The following TMEM181 variants were observed in gnomAD, a reference collection of about 807,000 sequenced individuals.
The protein encoded by TMEM181 is transmembrane protein 181, also known as G protein-coupled receptor 178.
A neutral mutation model predicts 71.9 loss-of-function variants in TMEM181; 39 were observed. The ratio of observed to expected loss-of-function variants is 0.54; its 90% CI spans 0.42 to 0.71. TMEM181 has a LOEUF of 0.71. TMEM181 is among the 30% of genes least tolerant of loss of function. The pLI, the probability that TMEM181 is intolerant of heterozygous loss-of-function variation, is 0.00. For missense variants in TMEM181, 595 were observed against 583.0 expected (o/e 1.02, Z -0.21); for synonymous variants, 245 against 228.8 (o/e 1.07, Z -0.64).
At chr6:158,626,147 TCCATTGCTG>T (rs1254151902) in intron 13 of TMEM181, among the ~76,000 whole-genome samples, 1 of 152,166 alleles carries the variant, frequency 6.6e-6, no homozygotes, top group Non-Finnish European at 1.5e-5. Flanking sequence ...AGCAGCATGC[TCCATTGCTG>T]CCATTGGGGG....
Position 158,573,440 on chromosome 6 carries a change from A to G in TMEM181, c.29A>G (p.Tyr10Cys). 6.3e-7 allele frequency: 1 copy of G among 1,592,278 alleles called. No homozygotes were observed. Among genetic ancestry groups the G allele is most frequent in the Non-Finnish European group, 8.5e-7 (1 of 1,170,294 alleles). ...CCCAGGCTGGCGCCCATGCGGCTCTACACGCTCTCCAAGCGCCACTTTGTC... is the reference window on the plus strand; with the variant it reads ...CCCAGGCTGGCGCCCATGCGGCTCTGCACGCTCTCCAAGCGCCACTTTGTC... The part of the protein sequence containing the change: MEPLAPMRL[Y>C]TLSKRHFVLV... The change falls in exon 2 of 17, where the codon TAC (tyrosine) becomes TGC (cysteine). Residue 10 changes from tyrosine to cysteine, a missense_variant. Tyr to Cys is a radical substitution (Grantham distance 194). Transcript: ENST00000684151.
chr6:158,549,204 G>A (rs1056748115), intron 1 of TMEM181, among the ~76,000 whole-genome samples: 2 of 133,766 alleles, frequency 1.5e-5, no homozygotes, highest in African/African-American at 2.8e-5. Context: ...TGCAACCTCC[G>A]CCTCCCGGGT....
chr6:158,597,763 C>T (rs144495501), intron 6 of TMEM181, among the ~76,000 whole-genome samples: 1 of 152,208 alleles, frequency 6.6e-6, no homozygotes, highest in African/African-American at 2.4e-5. Context: ...TCCTTGGCCT[C>T]CCAAAGTGTT....
chr6:158,565,012 C>T (rs545467074), intron 1 of TMEM181, among the ~76,000 whole-genome samples: 10 of 152,284 alleles, frequency 6.6e-5, no homozygotes, highest in African/African-American at 2.4e-4. Context: ...TGGTGGTTTG[C>T]GGAGACCGAG....
intron 10 of TMEM181, among the ~76,000 whole-genome samples, chr6:158,619,435 C>T (rs1421687992): frequency 3.3e-5 from 5 of 152,100 alleles, no homozygotes; most frequent in Non-Finnish European, 5.9e-5. Flanking sequence ...GCGATGGGTT[C>T]GAACATCCTC....
intron 1 of TMEM181, among the ~76,000 whole-genome samples, chr6:158,563,146 T>C (rs1348637466): frequency 2.0e-5 from 3 of 152,184 alleles, no homozygotes; most frequent in African/African-American, 7.2e-5. Context: ...CGGGATGTTT[T>C]GTTTGTTTGT....
intron 6 of TMEM181, among the ~76,000 whole-genome samples, chr6:158,604,702 C>T (rs1784850260): frequency 6.6e-6 from 1 of 152,168 alleles, no homozygotes; most frequent in Non-Finnish European, 1.5e-5. Context: ...TCTAGTTGCA[C>T]TTTTACATCT....
At position 158,633,840 on chromosome 6, in the gene TMEM181, A is replaced by G. The variant is rs1447964245; in HGVS notation, c.*1952A>G. 1 of 152,192 alleles carries G rather than the reference A, an allele frequency of 6.6e-6. No individual in the cohort carries two copies. Among genetic ancestry groups the G allele is most frequent in the Admixed American group, 6.5e-5 (1 of 15,278 alleles). 9.4% of individuals were successfully genotyped at this position (152,192 alleles called of 1,614,324 possible). A position where few individuals can be genotyped will look rare whatever the true frequency, so the allele number is the denominator to read the frequency against. On this transcript the variant is annotated 3_prime_UTR_variant, in exon 17 of 17. Coordinates refer to ENST00000684151, the MANE Select transcript of TMEM181 (RefSeq NM_001376852.1). ...TGTGTATTGAAAAAAATTTTCTGTT[A>G]CCAAATTTTACAACTTCTAATAAGA...
chr6:158,544,182 A>AGAGAGAGAGAGAGTGTGTGTGTGT (rs149735409), intron 1 of TMEM181, among the ~76,000 whole-genome samples: 2 of 127,562 alleles, frequency 1.6e-5, no homozygotes, highest in Non-Finnish European at 3.3e-5. Flanking sequence ...AATTGGAGAG[A>AGAGAGAGAGAGAGTGTGTGTGTGT]GTGTGTGTGT....
chr6:158,595,436 T>C (rs1039029069), intron 6 of TMEM181, among the ~76,000 whole-genome samples: 1 of 152,230 alleles, frequency 6.6e-6, no homozygotes, highest in African/African-American at 2.4e-5. Context: ...GGGGAGCGTG[T>C]AAATTGATAC....
At chr6:158,629,064 C>T (rs1188955276) in intron 14 of TMEM181, among the ~76,000 whole-genome samples, 1 of 152,194 alleles carries the variant, frequency 6.6e-6, no homozygotes, top group Admixed American at 6.5e-5. Flanking sequence ...TGCCTGAGGC[C>T]AGTGGCGCAG....
chr6:158,602,342 G>C (rs567327996), intron 6 of TMEM181, among the ~76,000 whole-genome samples: 1 of 152,296 alleles, frequency 6.6e-6, no homozygotes, highest in Non-Finnish European at 1.5e-5. Context: ...AGAAAGCAGC[G>C]ATGAACATCT....
rs773138819 is a variant in TMEM181 at position 158,625,171 on chromosome 6, G to A, written c.1022G>A (p.Arg341Gln). The change falls in exon 12 of 17, where the codon CGG becomes CAG. Residue 341 changes from arginine (R) to glutamine (Q), a missense_variant. Coordinates refer to ENST00000684151, the MANE Select transcript of TMEM181 (RefSeq NM_001376852.1). ...CTGTACCTCTTGTTCTTGATAGTGC[G>A]GGCGTGTTCCGAGCTACGTCACATG... ...YILYLLFLIVRACSELRHMPY... is the reference protein window; with the variant it reads ...YILYLLFLIVQACSELRHMPY... 24 of 1,614,158 alleles carry A rather than the reference G, an allele frequency of 1.5e-5. No homozygotes were observed. Among genetic ancestry groups the A allele is most frequent in the African/African-American group, 1.1e-4 (8 of 75,038 alleles).
intron 10 of TMEM181, among the ~76,000 whole-genome samples, chr6:158,617,429 CT>C (rs1431306868): frequency 1.3e-5 from 2 of 151,500 alleles, no homozygotes; most frequent in African/African-American, 4.8e-5. Flanking sequence ...AAACCAGCTC[CT>C]GGATTCATTG....
In TMEM181 at chr6:158,608,326, G is replaced by A. The variant is rs1243440361; in HGVS notation, c.674-7G>A. On this transcript the variant is annotated splice_polypyrimidine_tract_variant and splice_region_variant and intron_variant, in intron 8 of 16. Coordinates refer to ENST00000684151, the MANE Select transcript of TMEM181 (RefSeq NM_001376852.1). ...TTCCACATGGATTTCTGCCCTTTGT[G>A]TTCCAGATCCGTTCTTCCCCCTCTC... The A allele has an allele frequency of 1.2e-5, 20 of 1,614,198 alleles. No homozygotes were observed. Among genetic ancestry groups the A allele is most frequent in the Non-Finnish European group, 1.5e-5 (18 of 1,180,022 alleles).
At chr6:158,557,318 G>A (rs1485702797), upstream of TMEM181, among the ~76,000 whole-genome samples, 1 of 151,282 alleles carries the variant, frequency 6.6e-6, no homozygotes, top group Non-Finnish European at 1.5e-5. Flanking sequence ...GCTGCAGTGA[G>A]CCGAGATTGC....
intron 2 of TMEM181, among the ~76,000 whole-genome samples, chr6:158,578,942 G>A (rs868470566): frequency 6.6e-6 from 1 of 152,202 alleles, no homozygotes; most frequent in Non-Finnish European, 1.5e-5. Flanking sequence ...TTTCACTTCC[G>A]TGTATATACT....
Position 158,632,149 on chromosome 6 carries a change from CGT to C in TMEM181, c.*264_*265del. 2 of 460,706 alleles carry C rather than the reference CGT, an allele frequency of 4.3e-6. No homozygotes were observed. The highest frequency in any genetic ancestry group is 7.9e-6 in the Non-Finnish European group (2 of 253,560). The allele number at this position is 460,706 out of a possible 1,614,324, so 28.5% of individuals were successfully genotyped here. ...CTTTTTTACAGAGATTTCAGATGAG[CGT>C]GTTTTCAGTGATGAGGAAATTTCAC... On this transcript the variant is annotated 3_prime_UTR_variant, in exon 17 of 17. Transcript: ENST00000684151.
intron 1 of TMEM181, among the ~76,000 whole-genome samples, chr6:158,542,468 T>C (rs1781389011): frequency 6.6e-6 from 1 of 152,230 alleles, no homozygotes; most frequent in African/African-American, 2.4e-5. Flanking sequence ...GGTTGCACTT[T>C]AGAACCAGAA....
Sources: allele counts gnomAD v4.1 joint callset (sites outside exome capture counted in the v4.1 genomes callset), GRCh38; gene constraint gnomAD v4.1.1; transcripts MANE v1.5; gene names NCBI Gene and HGNC (gene_info 2026-07-23, HGNC 2026-07-21).